RAP1GAP2: variants seen among roughly 807,000 people sequenced by gnomAD.
RAP1GAP2 encodes the protein rap1 GTPase-activating protein 2.
Under a neutral mutation model 95.0 loss-of-function variants are expected in RAP1GAP2, and 27 were observed. That is an observed-to-expected ratio of 0.28 (90% CI 0.21 to 0.39). The LOEUF (loss-of-function observed/expected upper bound fraction) is 0.39. RAP1GAP2 is among the 10% of genes least tolerant of loss of function. The pLI, the probability that RAP1GAP2 is intolerant of heterozygous loss-of-function variation, is 1.00. For missense variants in RAP1GAP2, 771 were observed against 970.0 expected (o/e 0.79, Z 2.72); for synonymous variants, 373 against 380.9 (o/e 0.98, Z 0.24).
chr17:2,787,694 A>T (rs968513651), intron 1 of RAP1GAP2, among the ~76,000 whole-genome samples: 2 of 151,836 alleles, frequency 1.3e-5, no homozygotes, highest in African/African-American at 4.8e-5. Context: ...CAGCCTCCCG[A>T]GTAGCTGGGA....
chr17:2,883,536 C>G (rs1005743459), intron 2 of RAP1GAP2, among the ~76,000 whole-genome samples: 4 of 152,212 alleles, frequency 2.6e-5, no homozygotes, highest in Non-Finnish European at 5.9e-5. Flanking sequence ...TCTCTCCACC[C>G]TTCTGTCTTT....
In RAP1GAP2 at chr17:2,963,241, G is replaced by A. The variant is rs2044419213; in HGVS notation, c.247-189G>A. ...ATCAGCTGGCAGGGTTTATGTTTGG[G>A]TTCTGTCAGTTTGGAGAAGAACATG... On this transcript the variant is annotated intron_variant, in intron 5 of 24. Coordinates refer to ENST00000254695, the MANE Select transcript of RAP1GAP2 (RefSeq NM_015085.5). This position sits in a 1 kb window ranked among gnomAD's most constrained non-coding sequence, Gnocchi z 4.8. 1.5e-6 allele frequency: 1 copy of A among 689,134 alleles called. No individual in the cohort carries two copies. Among genetic ancestry groups the A allele is most frequent in the Non-Finnish European group, 2.6e-6 (1 of 389,978 alleles). The allele number at this position is 689,134 out of a possible 1,614,324, so 42.7% of individuals were successfully genotyped here.
chr17:2,960,942 G>A (rs912417287), intron 4 of RAP1GAP2, among the ~76,000 whole-genome samples: 5 of 152,236 alleles, frequency 3.3e-5, no homozygotes, highest in African/African-American at 1.2e-4. Flanking sequence ...AGGGCCAGGC[G>A]CAGTGGCTCA....
chr17:2,878,727 A>G (rs1444845049), intron 2 of RAP1GAP2, among the ~76,000 whole-genome samples: 1 of 152,108 alleles, frequency 6.6e-6, no homozygotes, highest in Non-Finnish European at 1.5e-5. Flanking sequence ...TCTGCTTCTG[A>G]TGCACCTGTC....
chr17:2,848,426 G>T (rs957102926), intron 2 of RAP1GAP2, among the ~76,000 whole-genome samples: 2 of 152,002 alleles, frequency 1.3e-5, no homozygotes, highest in African/African-American at 4.8e-5. Flanking sequence ...CATGGGTTCT[G>T]TGAGGGGATT....
upstream of RAP1GAP2, among the ~76,000 whole-genome samples, chr17:2,773,218 C>A (rs368942578): frequency 1.3e-5 from 2 of 152,082 alleles, no homozygotes; most frequent in South Asian, 4.1e-4. Flanking sequence ...GTTCCAGAGT[C>A]AGCAGTTATT....
intron 3 of RAP1GAP2, among the ~76,000 whole-genome samples, chr17:2,951,213 G>A (rs771146374): frequency 5.3e-5 from 8 of 152,196 alleles, no homozygotes; most frequent in African/African-American, 1.9e-4. Flanking sequence ...ATCCACTAAC[G>A]CTTCACTGAC....
At chr17:2,930,758 A>G (rs893285728) in intron 3 of RAP1GAP2, among the ~76,000 whole-genome samples, 3 of 152,244 alleles carry the variant, frequency 2.0e-5, no homozygotes, top group African/African-American at 4.8e-5. Context: ...CAGGACAGGC[A>G]AATTAGAAAC....
In RAP1GAP2 at chr17:2,951,489, C is replaced by T. The variant is rs150294459; in HGVS notation, c.166-6270C>T. ...ATCCCAGCACTTTGGGAGGCTGAGG[C>T]GGGAGGATCGCTTGAGCTCAGGAGT... On this transcript the variant is annotated intron_variant, in intron 3 of 24. Coordinates refer to ENST00000254695, the MANE Select transcript of RAP1GAP2 (RefSeq NM_015085.5). 9.8e-3 allele frequency among the ~76,000 whole-genome samples: 1,484 copies of T among 152,148 alleles called. 22 individuals carry two copies. The highest frequency in any genetic ancestry group is 0.034 in the African/African-American group (1,406 of 41,492).
At chr17:2,818,928 G>A (rs904661301) in intron 2 of RAP1GAP2, among the ~76,000 whole-genome samples, 7 of 152,242 alleles carry the variant, frequency 4.6e-5, no homozygotes, top group African/African-American at 1.4e-4. Flanking sequence ...TACATGTCTA[G>A]TGCTTAGAAC....
intron 2 of RAP1GAP2, among the ~76,000 whole-genome samples, chr17:2,891,251 G>A (rs957931118): frequency 7.3e-5 from 11 of 151,656 alleles, no homozygotes; most frequent in Admixed American, 2.0e-4. Context: ...GGGTTCAAGC[G>A]ATCCCCCTAC....
intron 1 of RAP1GAP2, among the ~76,000 whole-genome samples, chr17:2,757,599 G>A (rs991277069): frequency 8.3e-4 from 127 of 152,190 alleles, no homozygotes; most frequent in Non-Finnish European, 1.3e-3. Flanking sequence ...CTGAGACAGG[G>A]AAGCTCTGTC....
At chr17:2,812,451 C>T (rs1005879268) in intron 2 of RAP1GAP2, among the ~76,000 whole-genome samples, 1 of 152,142 alleles carries the variant, frequency 6.6e-6, no homozygotes, top group Non-Finnish European at 1.5e-5. Flanking sequence ...AACTCTTCAT[C>T]CCTCAAGCTG....
At position 2,903,342 on chromosome 17, in the gene RAP1GAP2, C is replaced by T. The variant is rs2042086163; in HGVS notation, c.81-1942C>T. 6.6e-6 allele frequency among the ~76,000 whole-genome samples: 1 copy of T among 152,182 alleles called. No homozygotes were observed. The highest frequency in any genetic ancestry group is 2.4e-5 in the African/African-American group (1 of 41,440). On this transcript the variant is annotated intron_variant, in intron 2 of 24. Transcript: ENST00000254695. This position sits in a 1 kb window ranked among gnomAD's most constrained non-coding sequence, Gnocchi z 4.1. ...AGGTGGAGGAGGCGGTGAGCCTGTGCTGGACCCAGCTCTGTTGTGCACACA... is the reference window on the plus strand; with the variant it reads ...AGGTGGAGGAGGCGGTGAGCCTGTGTTGGACCCAGCTCTGTTGTGCACACA...
intron 2 of RAP1GAP2, among the ~76,000 whole-genome samples, chr17:2,818,766 G>A (rs2070150676): frequency 6.6e-6 from 1 of 152,156 alleles, no homozygotes; most frequent in Non-Finnish European, 1.5e-5. Flanking sequence ...AGATTGCCTG[G>A]GTTCAGATCT....
chr17:2,980,921 G>T (rs2045333423), intron 9 of RAP1GAP2, among the ~76,000 whole-genome samples: 1 of 152,232 alleles, frequency 6.6e-6, no homozygotes, highest in South Asian at 2.1e-4. Context: ...TTTGGTGGCA[G>T]TTGTGGGCTG....
At chr17:3,025,219 G>T (rs980366633) in intron 19 of RAP1GAP2, among the ~76,000 whole-genome samples, 1 of 152,106 alleles carries the variant, frequency 6.6e-6, no homozygotes, top group African/African-American at 2.4e-5. Context: ...TCTACTAAAA[G>T]TACAAAAATT....
At chr17:2,757,469 T>C (rs1212383232) in intron 1 of RAP1GAP2, among the ~76,000 whole-genome samples, 2 of 152,092 alleles carry the variant, frequency 1.3e-5, no homozygotes, top group Non-Finnish European at 2.9e-5. Flanking sequence ...GGGCAGTTAG[T>C]GTCCCTTTCC....
chr17:2,833,475 G>C (rs2070990611), intron 2 of RAP1GAP2, among the ~76,000 whole-genome samples: 1 of 151,900 alleles, frequency 6.6e-6, no homozygotes, highest in Non-Finnish European at 1.5e-5. Flanking sequence ...AAAGTGCCGA[G>C]GTCAGGAGAT....
Sources: allele counts gnomAD v4.1 joint callset (sites outside exome capture counted in the v4.1 genomes callset), GRCh38; gene constraint gnomAD v4.1.1; non-coding constraint Gnocchi (gnomAD v3.1); transcripts MANE v1.5; gene names NCBI Gene and HGNC (gene_info 2026-07-23, HGNC 2026-07-21).